The following EXOC6B variants were observed in gnomAD, a reference collection of about 807,000 sequenced individuals.
EXOC6B encodes the protein SEC15 homolog B.
Under a neutral mutation model 113.5 loss-of-function variants are expected in EXOC6B, and 54 were observed. The observed-to-expected ratio is 0.48, with a 90% CI of 0.38 to 0.60. EXOC6B has a LOEUF of 0.60. Ranked by LOEUF, EXOC6B falls within the 20% of genes least tolerant of loss-of-function variation. The probability of loss-of-function intolerance (pLI) is 0.00; values close to 1 mark genes in which losing one functional copy is unlikely to be tolerated. For missense variants in EXOC6B, 797 were observed against 977.5 expected, an observed-to-expected ratio of 0.82 and a Z score of 2.46; for synonymous variants, 357 against 339.0, an observed-to-expected ratio of 1.05 and a Z score of -0.58.
chr2:72,656,654 A>C (rs772171969), intron 6 of EXOC6B, among the ~76,000 whole-genome samples: 7 of 152,202 alleles, frequency 4.6e-5, no homozygotes, highest in Non-Finnish European at 7.4e-5. Flanking sequence ...GTGAAAGTCA[A>C]AATTCTTCTT....
intron 6 of EXOC6B, among the ~76,000 whole-genome samples, chr2:72,690,700 C>G (rs1305161120): frequency 6.6e-6 from 1 of 152,164 alleles, no homozygotes; most frequent in African/African-American, 2.4e-5. Flanking sequence ...TATAGGCTTT[C>G]TTACACTAAA....
At chr2:72,248,854 A>C (rs1239104628) in intron 20 of EXOC6B, among the ~76,000 whole-genome samples, 1 of 152,244 alleles carries the variant, frequency 6.6e-6, no homozygotes, top group Non-Finnish European at 1.5e-5. Flanking sequence ...ATGAACCAGA[A>C]ATCTGGGTGA....
intron 19 of EXOC6B, among the ~76,000 whole-genome samples, chr2:72,339,554 T>C (rs545779315): frequency 5.9e-5 from 9 of 152,222 alleles, no homozygotes; most frequent in Non-Finnish European, 1.2e-4. Context: ...TTGTTCAGGA[T>C]AGGAGAGCCT....
At chr2:72,811,807 T>C (rs1685939751) in intron 1 of EXOC6B, among the ~76,000 whole-genome samples, 1 of 152,122 alleles carries the variant, frequency 6.6e-6, no homozygotes, top group Non-Finnish European at 1.5e-5. Flanking sequence ...AATCACATGA[T>C]CATATAAAAT....
chr2:72,655,745 A>G (rs973891687), intron 6 of EXOC6B, among the ~76,000 whole-genome samples: 7 of 152,114 alleles, frequency 4.6e-5, no homozygotes, highest in Non-Finnish European at 1.0e-4. Flanking sequence ...GATGACCAAA[A>G]TTACAAATTG....
intron 20 of EXOC6B, among the ~76,000 whole-genome samples, chr2:72,209,968 A>G (rs1680083657): frequency 6.6e-6 from 1 of 152,252 alleles, no homozygotes; most frequent in Non-Finnish European, 1.5e-5. Flanking sequence ...TTCAAATATG[A>G]TGCACCTAAT....
At chr2:72,298,955 A>C (rs1686325351) in intron 20 of EXOC6B, among the ~76,000 whole-genome samples, 1 of 151,942 alleles carries the variant, frequency 6.6e-6, no homozygotes, top group African/African-American at 2.4e-5. Flanking sequence ...TCTGACGATT[A>C]TGTGTCTTGG....
At chr2:72,782,076 G>T (rs1437560594) in intron 1 of EXOC6B, among the ~76,000 whole-genome samples, 3 of 150,120 alleles carry the variant, frequency 2.0e-5, no homozygotes, top group Non-Finnish European at 4.4e-5. Flanking sequence ...GGAAACAGAG[G>T]TTGCACTGAG....
intron 6 of EXOC6B, among the ~76,000 whole-genome samples, chr2:72,666,097 G>T (rs1251179967): frequency 1.3e-5 from 2 of 152,128 alleles, no homozygotes; most frequent in Admixed American, 6.6e-5. Flanking sequence ...ACAAAGATGG[G>T]TATTACATAA....
chr2:72,696,515 T>C (rs576683692), intron 6 of EXOC6B, among the ~76,000 whole-genome samples: 1 of 152,238 alleles, frequency 6.6e-6, no homozygotes, highest in East Asian at 1.9e-4. Flanking sequence ...TCCATGTTCT[T>C]GACTCTAAAT....
At chr2:72,783,731 G>A (rs888314328) in intron 1 of EXOC6B, among the ~76,000 whole-genome samples, 9 of 151,942 alleles carry the variant, frequency 5.9e-5, no homozygotes, top group East Asian at 1.9e-4. Context: ...TGGATTCTTC[G>A]TATAGTCTGG....
chr2:72,355,805 T>C (rs1446752396), intron 19 of EXOC6B, among the ~76,000 whole-genome samples: 2 of 152,196 alleles, frequency 1.3e-5, no homozygotes, highest in Non-Finnish European at 2.9e-5. Flanking sequence ...AGTCCACCCA[T>C]AGGAAATTTG....
At chr2:72,407,461 C>T (rs921040564) in intron 18 of EXOC6B, among the ~76,000 whole-genome samples, 1 of 152,134 alleles carries the variant, frequency 6.6e-6, no homozygotes, top group Non-Finnish European at 1.5e-5. Context: ...ATGCAAAAAT[C>T]CTCAATAAAA....
intron 5 of EXOC6B, among the ~76,000 whole-genome samples, chr2:72,720,556 T>C (rs1369048396): frequency 6.6e-6 from 1 of 152,132 alleles, no homozygotes; most frequent in Non-Finnish European, 1.5e-5. Flanking sequence ...GAGATCTGCC[T>C]GGGCAACAAG....
Position 72,422,010 on chromosome 2 carries a change from G to A in EXOC6B, c.1981-42140C>T, listed in dbSNP as rs910071607. On this transcript the variant is annotated intron_variant, in intron 18 of 21. Coordinates refer to ENST00000272427, the MANE Select transcript of EXOC6B (RefSeq NM_015189.3). ...AGGGTGTACTGGGTCCCCCAGCAGT[G>A]CCAGCCCACCGGTGCTGCGCTCGAT... Among the ~76,000 whole-genome samples the A allele has an allele frequency of 2.6e-5, 4 of 152,356 alleles. 1 individual carries two copies. The highest frequency in any genetic ancestry group is 9.6e-5 in the African/African-American group (4 of 41,580).
chr2:72,290,363 T>C (rs1469510864), intron 20 of EXOC6B, among the ~76,000 whole-genome samples: 5 of 152,148 alleles, frequency 3.3e-5, no homozygotes, highest in South Asian at 4.1e-4. Context: ...TTGTCCATAA[T>C]AGATGATGTT....
At chr2:72,810,348 TAAATAAATAAATAAATA>T (rs1429659949) in intron 1 of EXOC6B, among the ~76,000 whole-genome samples, 1 of 125,444 alleles carries the variant, frequency 8.0e-6, no homozygotes, top group Non-Finnish European at 1.9e-5. Context: ...AATAAATAAA[TAAATAAATAAATAAATA>T]AATAAATAAA....
At chr2:72,513,383 A>AG in intron 10 of EXOC6B, 131 bp from the exon 11 acceptor site, 1 of 1,138,298 alleles carries the variant, frequency 8.8e-7, no homozygotes, top group Non-Finnish European at 1.2e-6. Flanking sequence ...GAAGAAACTT[A>AG]TTCAGTAGAA....
chr2:72,319,751 C>T (rs1029027151), intron 20 of EXOC6B, among the ~76,000 whole-genome samples: 1 of 151,954 alleles, frequency 6.6e-6, no homozygotes, highest in Non-Finnish European at 1.5e-5. Flanking sequence ...GAACTGTGTT[C>T]GTGGATTAGA....
Sources: gnomAD v4.1 joint callset for allele counts (sites outside exome capture counted in the v4.1 genomes callset) on GRCh38, gnomAD v4.1.1 for gene constraint, MANE v1.5 for transcripts, NCBI Gene and HGNC (gene_info 2026-07-23, HGNC 2026-07-21) for gene names.